The following ARVCF variants were observed in gnomAD, a reference collection of about 807,000 sequenced individuals.
ARVCF encodes ARVCF delta catenin family member.
Under a neutral mutation model 90.9 loss-of-function variants are expected in ARVCF, and 66 were observed. That is an observed-to-expected ratio of 0.73 (90% confidence interval 0.60 to 0.89). The LOEUF is 0.89. Ranked by LOEUF, ARVCF falls within the 40% of genes least tolerant of loss-of-function variation. The pLI is 0.00. For missense variants in ARVCF, 1,469 were observed against 1,382.3 expected (o/e 1.06, Z -1.00); for synonymous variants, 653 against 603.4 (o/e 1.08, Z -1.21).
intron 2 of ARVCF, among the ~76,000 whole-genome samples, chr22:19,995,842 C>T (rs1944231536): frequency 6.6e-6 from 1 of 152,146 alleles, no homozygotes; most frequent in Non-Finnish European, 1.5e-5. Flanking sequence ...TCCCATACCC[C>T]CTTTCCCCTC....
At chr22:20,002,161 T>G (rs1944469493) in intron 2 of ARVCF, among the ~76,000 whole-genome samples, 1 of 152,240 alleles carries the variant, frequency 6.6e-6, no homozygotes, top group African/African-American at 2.4e-5. Flanking sequence ...GTGAGCCTTC[T>G]GTCCAGAAAA....
chr22:19,968,754 C>G (rs199743418), downstream of ARVCF: 669 of 1,601,128 alleles, frequency 4.2e-4, no homozygotes, highest in African/African-American at 5.0e-3. Flanking sequence ...CCCGGCCCCC[C>G]TCTCGGGCTC....
In ARVCF at chr22:19,970,613, G is replaced by A. The variant is rs1444112478; in HGVS notation, c.*143C>T. 1.6e-6 allele frequency: 2 copies of A among 1,266,784 alleles called. No individual in the cohort carries two copies. Among genetic ancestry groups the A allele is most frequent in the Non-Finnish European group, 2.0e-6 (2 of 978,182 alleles). The allele number at this position is 1,266,784 out of a possible 1,614,324, so 78.5% of individuals were successfully genotyped here. ...GGGGGGGCAGGAGGGTGTCCCCAAAGTCAGGCTTGGCTGGGGCGAGGCGCT... is the reference window on the plus strand; with the variant it reads ...GGGGGGGCAGGAGGGTGTCCCCAAAATCAGGCTTGGCTGGGGCGAGGCGCT... On this transcript the variant is annotated 3_prime_UTR_variant, in exon 20 of 20. Transcript: ENST00000263207.
At chr22:19,972,496 A>G (rs1338940281) in intron 16 of ARVCF, 85 bp from the exon 17 acceptor site, 3 of 1,542,036 alleles carry the variant, frequency 1.9e-6, no homozygotes, top group Middle Eastern at 1.7e-4. Context: ...TGGCCCAGGT[A>G]GCCCTAGAGG....
intron 19 of ARVCF, 25 bp downstream of exon 19, chr22:19,971,191 C>T (rs1276758121): frequency 1.2e-5 from 19 of 1,551,332 alleles, no homozygotes; most frequent in African/African-American, 2.7e-5. Flanking sequence ...AACAGGTGGA[C>T]GAACAACCAG....
chr22:19,995,391 G>A (rs984480816), intron 2 of ARVCF, among the ~76,000 whole-genome samples: 1 of 151,830 alleles, frequency 6.6e-6, no homozygotes, highest in Non-Finnish European at 1.5e-5. Flanking sequence ...TGGAAGGGGG[G>A]GTGGGCTGTG....
At chr22:20,016,181 G>A (rs924384251) in intron 1 of ARVCF, among the ~76,000 whole-genome samples, 6 of 152,192 alleles carry the variant, frequency 3.9e-5, no homozygotes, top group South Asian at 2.1e-4. Flanking sequence ...CCGGCCTGCC[G>A]CCCCTCGGGC....
intron 5 of ARVCF, 85 bp from the exon 6 acceptor site, chr22:19,980,327 A>C: frequency 6.9e-7 from 1 of 1,452,340 alleles, no homozygotes; most frequent in Non-Finnish European, 9.0e-7. Context: ...CTTCTTCAGG[A>C]CTGCAAACTC....
intron 1 of ARVCF, 63 bp downstream of exon 1, chr22:20,016,526 T>C (rs1945185412): frequency 6.6e-6 from 1 of 151,842 alleles, no homozygotes; most frequent in South Asian, 2.1e-4. Flanking sequence ...CCGCCCCCAG[T>C]CCCGGCTCCG....
At chr22:19,986,704 C>G (rs1026282476) in intron 3 of ARVCF, 4 of 226,108 alleles carry the variant, frequency 1.8e-5, no homozygotes, top group Non-Finnish European at 2.6e-5. Flanking sequence ...AGAAGCCGCT[C>G]AGGAAGGCCC....
chr22:19,994,240 G>A (rs1387171896), intron 2 of ARVCF, among the ~76,000 whole-genome samples: 1 of 151,582 alleles, frequency 6.6e-6, no homozygotes, highest in Non-Finnish European at 1.5e-5. Context: ...ATGGGGGATG[G>A]TGGGGAATGG....
intron 2 of ARVCF, among the ~76,000 whole-genome samples, chr22:19,999,620 G>A (rs762556872): frequency 7.2e-5 from 11 of 152,216 alleles, no homozygotes; most frequent in Non-Finnish European, 1.0e-4. Context: ...TGTGGTGGAC[G>A]TAGGCCATAT....
chr22:20,001,435 T>C (rs1247014813), intron 2 of ARVCF, among the ~76,000 whole-genome samples: 1 of 152,176 alleles, frequency 6.6e-6, no homozygotes, highest in Non-Finnish European at 1.5e-5. Flanking sequence ...TTAGCGCATT[T>C]CTTAGGAAAC....
At position 19,977,593 on chromosome 22, in the gene ARVCF, G is replaced by A; in HGVS notation, c.1699-7C>T. The A allele has an allele frequency of 6.6e-7, 1 of 1,514,190 alleles. No individual in the cohort carries two copies. Among genetic ancestry groups the A allele is most frequent in the Non-Finnish European group, 8.9e-7 (1 of 1,129,848 alleles). The allele number at this position is 1,514,190 out of a possible 1,614,324, so 93.8% of individuals were successfully genotyped here. A position where few individuals can be genotyped will look rare whatever the true frequency, so the allele number is the denominator to read the frequency against. On this transcript the variant is annotated splice_region_variant and splice_polypyrimidine_tract_variant and intron_variant, in intron 8 of 19. Transcript: ENST00000263207. ...ACACGCAGTTCTCCACCGACTGCAG[G>A]GAGAGGTGAGTGGGTGGGGCAGGGC...
At chr22:19,977,678 A>C in intron 8 of ARVCF, 92 bp from the exon 9 acceptor site, 1 of 1,453,026 alleles carries the variant, frequency 6.9e-7, no homozygotes, top group South Asian at 1.4e-5. Flanking sequence ...GCATGAGGGC[A>C]CCGGGAGCAA....
Position 19,971,327 on chromosome 22 carries a change from G to T in ARVCF, c.2790C>A (p.Pro930=). 6.4e-7 allele frequency: 1 copy of T among 1,553,676 alleles called. No homozygotes were observed. The highest frequency in any genetic ancestry group is 8.7e-7 in the Non-Finnish European group (1 of 1,148,668). Residue 930 remains proline, a synonymous_variant, in exon 19 of 20, where the codon CCC becomes CCA. Coordinates refer to ENST00000263207, the MANE Select transcript of ARVCF (RefSeq NM_001670.3). ...GCCCGGGGGGAGGGGCCTTCCTGCT[G>T]GGGTCGAGCTGCAGCGCACGGGTGG... ...ASEKEPLKLD[P]SRKAPPPGPS...
rs1294720860 is a variant in ARVCF, at chr22:19,977,574, A to G, written c.1711T>C (p.Cys571Arg). The G allele has an allele frequency of 1.3e-6, 2 of 1,535,866 alleles. No individual in the cohort carries two copies. Among genetic ancestry groups the G allele is most frequent in the Non-Finnish European group, 1.8e-6 (2 of 1,140,166 alleles). ...KDTDNKSVEN[C>R]VCIMRNLSYH... ...GACAGGTTCCGCATGATGCACACGC[A>G]GTTCTCCACCGACTGCAGGGAGAGG... Residue 571 changes from cysteine to arginine, a missense_variant, in exon 9 of 20, where the codon TGC (cysteine) becomes CGC (arginine). Physicochemically the swap from Cys to Arg is radical, Grantham distance 180 (BLOSUM62 -3). Transcript: ENST00000263207.
At position 19,976,660 on chromosome 22, in the gene ARVCF, C is replaced by T. The variant is rs529078315; in HGVS notation, c.1888+46G>A. 4.1e-5 allele frequency: 63 copies of T among 1,550,992 alleles called. 1 individual carries two copies. In the South Asian group the frequency reaches 7.3e-4, roughly 18 times the overall value. ...AACGTGCTCGCCTCTTCCCAGGTACCCACTGCACACGCCAGGCCTGGAGAG... is the reference window on the plus strand; with the variant it reads ...AACGTGCTCGCCTCTTCCCAGGTACTCACTGCACACGCCAGGCCTGGAGAG... On this transcript the variant is annotated intron_variant, in intron 10 of 19. Transcript: ENST00000263207.
At chr22:19,966,781 G>A (rs1942422127), downstream of ARVCF, among the ~76,000 whole-genome samples, 2 of 148,912 alleles carry the variant, frequency 1.3e-5, no homozygotes, top group African/African-American at 2.5e-5. Context: ...CTCTCGCTCT[G>A]TCGCCCAGGC....
Sources: allele counts gnomAD v4.1 joint callset (sites outside exome capture counted in the v4.1 genomes callset), GRCh38; gene constraint gnomAD v4.1.1; transcripts MANE v1.5; gene names NCBI Gene and HGNC (gene_info 2026-07-23, HGNC 2026-07-21).